STAB1: variants seen among roughly 807,000 people sequenced by gnomAD.
STAB1 encodes stabilin 1.
A neutral mutation model predicts 332.4 loss-of-function variants in STAB1; 250 were observed. The observed-to-expected ratio is 0.75, with a 90% CI of 0.68 to 0.84. The LOEUF is 0.84. STAB1 is among the 40% of genes least tolerant of loss of function. The probability of loss-of-function intolerance (pLI) is 0.00; values close to 1 mark genes in which losing one functional copy is unlikely to be tolerated. For synonymous variants in STAB1, 1,475 were observed against 1,390.4 expected, an observed-to-expected ratio of 1.06 and a Z score of -1.35; for missense variants, 3,249 against 3,489.7, an observed-to-expected ratio of 0.93 and a Z score of 1.74.
In STAB1 at chr3:52,523,683, T is replaced by C. The variant is rs999064876; in HGVS notation, c.7322T>C (p.Ile2441Thr). The C allele has an allele frequency of 6.2e-7, 1 of 1,612,426 alleles. No homozygotes were observed. Among genetic ancestry groups the C allele is most frequent in the South Asian group, 1.1e-5 (1 of 91,082 alleles). The change falls in exon 66 of 69, where the codon ATT becomes ACT. Residue 2441 changes from isoleucine to threonine, a missense_variant. Transcript: ENST00000321725. ...APGTVVVSRI[I>T]VWDIMAFNGI... ...GGGACAGTTGTGGTTAGCCGTATCA[T>C]TGTGTGGGACATCATGGCCTTCAAT...
Position 52,507,946 on chromosome 3 carries a change from G to C in STAB1, c.2068G>C (p.Glu690Gln). The change falls in exon 20 of 69, where the codon GAG becomes CAG. Residue 690 changes from glutamate (E) to glutamine (Q), a missense_variant. Glu to Gln is a conservative substitution (Grantham distance 29, BLOSUM62 2). Coordinates refer to ENST00000321725, the MANE Select transcript of STAB1 (RefSeq NM_015136.3). ...NSVKLDIFPK[E>Q]CVYIHDPTGL... is the part of the protein sequence containing the mutation. ...CCCACCCTAGGACATCTTCCCCAAG[G>C]AGTGTGTCTACATCCATGACCCAAC... The C allele has an allele frequency of 6.2e-7, 1 of 1,613,622 alleles. No individual in the cohort carries two copies. Among genetic ancestry groups the C allele is most frequent in the South Asian group, 1.1e-5 (1 of 91,064 alleles).
chr3:52,497,294 G>C (rs545179280), intron 1 of STAB1, among the ~76,000 whole-genome samples: 129 of 149,962 alleles, frequency 8.6e-4, no homozygotes, highest in African/African-American at 3.0e-3. Flanking sequence ...CCAACCCCAT[G>C]TTCAGACTTT....
At chr3:52,516,625 G>A (rs767418066) in intron 40 of STAB1, 38 bp downstream of exon 40, 68 of 1,612,344 alleles carry the variant, frequency 4.2e-5, no homozygotes, top group East Asian at 6.7e-5. Context: ...GGTGAGTGGC[G>A]GGGAGCCTGG....
At position 52,521,306 on chromosome 3, in the gene STAB1, G is replaced by A. The variant is rs555301800; in HGVS notation, c.5909-55G>A. On this transcript the variant is annotated intron_variant, in intron 55 of 68. Transcript: ENST00000321725. ...AGGGCTAGGCTGGAGGTACGTATAT[G>A]GGGGTCCTGGTGAGAGCCCCTGGCC... The A allele has an allele frequency of 2.0e-4, 321 of 1,608,894 alleles. 2 individuals are homozygous for A. In the South Asian group the frequency reaches 3.5e-3, roughly 17 times the overall value.
chr3:52,517,349 G>A lies in STAB1; in HGVS notation c.4519G>A (p.Gly1507Ser), dbSNP rs748166399. The A allele has an allele frequency of 3.1e-6, 5 of 1,602,714 alleles. No homozygotes were observed. Among genetic ancestry groups the A allele is most frequent in the Non-Finnish European group, 3.4e-6 (4 of 1,175,412 alleles). The change falls in exon 43 of 69, where the codon GGC becomes AGC. Residue 1507 changes from glycine to serine, a missense_variant. Coordinates refer to ENST00000321725, the MANE Select transcript of STAB1 (RefSeq NM_015136.3). ...TAACAGCTGTCTCATCCACCACGGG[G>A]GCTGCCACATTCACGCCGAGTGCAT... ...EINSCLIHHGGCHIHAECIPT... is the reference protein window; with the variant it reads ...EINSCLIHHGSCHIHAECIPT...
In STAB1 at chr3:52,514,799, C is replaced by G; in HGVS notation, c.3777C>G (p.Arg1259=). 1 of 1,612,914 alleles carries G rather than the reference C, an allele frequency of 6.2e-7. No individual in the cohort carries two copies. Among genetic ancestry groups the G allele is most frequent in the South Asian group, 1.1e-5 (1 of 91,076 alleles). The change falls in exon 35 of 69, where the codon CGC becomes CGG. Residue 1259 remains arginine (R), a synonymous_variant. Coordinates refer to ENST00000321725, the MANE Select transcript of STAB1 (RefSeq NM_015136.3). ...GGGTCCTGACGGTGGGCTCAAGTCG[C>G]TGCCTGCATAGCCACGCTGAGGCCC... is the stretch of plus-strand genomic sequence containing the variant. The part of the protein sequence containing the change: ...LSGVLTVGSS[R]CLHSHAEALR...
At position 52,511,688 on chromosome 3, in the gene STAB1, C is replaced by A; in HGVS notation, c.2826C>A (p.Gly942=). 6.2e-7 allele frequency: 1 copy of A among 1,610,910 alleles called. No homozygotes were observed. The highest frequency in any genetic ancestry group is 8.5e-7 in the Non-Finnish European group (1 of 1,178,756). The change falls in exon 26 of 69, where the codon GGC becomes GGA. Residue 942 remains glycine (G), a synonymous_variant. Coordinates refer to ENST00000321725, the MANE Select transcript of STAB1 (RefSeq NM_015136.3). ...CTCKLGFAGD[G]YQCSPIDPCR... ...GCAAGCTGGGCTTTGCCGGGGATGG[C>A]TACCAGTGCAGCCCCATCGACCCCT...
In STAB1 at chr3:52,502,001, C is replaced by A. The variant is rs1708485740; in HGVS notation, c.332-5C>A. On this transcript the variant is annotated splice_region_variant and splice_polypyrimidine_tract_variant and intron_variant, in intron 3 of 68. Transcript: ENST00000321725. Reference sequence around the variant, plus strand: ...CACAGAGCTGAGTACTGTGGGGGTCCACAGAATGCCCTGGGGGCGCTGAGA... The same window carrying A: ...CACAGAGCTGAGTACTGTGGGGGTCAACAGAATGCCCTGGGGGCGCTGAGA... 1 of 1,611,844 alleles carries A rather than the reference C, an allele frequency of 6.2e-7. No homozygotes were observed. The highest frequency in any genetic ancestry group is 1.3e-5 in the African/African-American group (1 of 74,994).
intron 45 of STAB1, 147 bp downstream of exon 45, chr3:52,518,150 C>G: frequency 6.7e-7 from 1 of 1,485,430 alleles, no homozygotes; most frequent in Non-Finnish European, 9.0e-7. Context: ...TGGGCCTGAC[C>G]CCAGCTATGA....
intron 25 of STAB1, among the ~76,000 whole-genome samples, chr3:52,510,845 G>A (rs1008080248): frequency 2.0e-5 from 3 of 152,242 alleles, no homozygotes; most frequent in Non-Finnish European, 2.9e-5. Flanking sequence ...GCTTTGCAGT[G>A]TCTGAATCTA....
At chr3:52,516,879 A>T in intron 41 of STAB1, 105 bp from the exon 42 acceptor site, 2 of 1,579,322 alleles carry the variant, frequency 1.3e-6, no homozygotes, top group Non-Finnish European at 1.7e-6. Context: ...CCATCTCAGG[A>T]CTCACCCTTC....
In STAB1 at chr3:52,521,872, T is replaced by G. The variant is rs750123300; in HGVS notation, c.6192T>G (p.Cys2064Trp). ...TGCAGCCTGTGTGTACCCCACCCTG[T>G]GCACCCGAGGCTGTGTGCCGTGCAG... ...LELQPVCTPP[C>W]APEAVCRAGN... Residue 2064 changes from cysteine (C) to tryptophan (W), a missense_variant, in exon 58 of 69, where the codon TGT becomes TGG. Physicochemically the swap from Cys to Trp is radical, Grantham distance 215. Coordinates refer to ENST00000321725, the MANE Select transcript of STAB1 (RefSeq NM_015136.3). 7 of 1,604,508 alleles carry G rather than the reference T, an allele frequency of 4.4e-6. No individual in the cohort carries two copies. Among genetic ancestry groups the G allele is most frequent in the Non-Finnish European group, 6.0e-6 (7 of 1,174,598 alleles).
rs369886703 is a variant in STAB1, at chr3:52,508,317, G to A, written c.2193G>A (p.Gln731=). ...CKGFFGPDCT[Q]CPGGFSNPCY... ...GTTTTTTCGGGCCTGACTGCACGCA[G>A]TGTCCTGGGGGCTTCTCCAACCCCT... Residue 731 remains glutamine, a synonymous_variant, in exon 21 of 69, where the codon CAG becomes CAA. Coordinates refer to ENST00000321725, the MANE Select transcript of STAB1 (RefSeq NM_015136.3). 1.9e-6 allele frequency: 3 copies of A among 1,613,818 alleles called. No homozygotes were observed. The highest frequency in any genetic ancestry group is 2.5e-6 in the Non-Finnish European group (3 of 1,179,946).
In STAB1 at chr3:52,500,250, C is replaced by T. The variant is rs186161039; in HGVS notation, c.79-916C>T. 2.7e-3 allele frequency among the ~76,000 whole-genome samples: 415 copies of T among 152,294 alleles called. 3 individuals are homozygous for T. Among genetic ancestry groups the T allele is most frequent in the African/African-American group, 9.7e-3 (405 of 41,554 alleles). On this transcript the variant is annotated intron_variant, in intron 1 of 68. Transcript: ENST00000321725. ...ACTCCCGGCCTTTGCTTCTGCTGTCCCCTAGGCCAGGAGCACTGTCCTTGA... is the reference window on the plus strand; with the variant it reads ...ACTCCCGGCCTTTGCTTCTGCTGTCTCCTAGGCCAGGAGCACTGTCCTTGA...
At position 52,513,423 on chromosome 3, in the gene STAB1, G is replaced by A. The variant is rs145846452; in HGVS notation, c.3270+182G>A. On this transcript the variant is annotated intron_variant, in intron 30 of 68. Transcript: ENST00000321725. The stretch of plus-strand genomic sequence containing the variant: ...TTGCTGATGGACACTGAGTCGCTGG[G>A]CCAGGAGTGACTGCCTGCAGGGGCT... 6.8e-4 allele frequency among the ~76,000 whole-genome samples: 103 copies of A among 152,308 alleles called. 2 individuals are homozygous for A. In the East Asian group the frequency reaches 0.019, roughly 29 times the overall value.
intron 65 of STAB1, 36 bp downstream of exon 65, chr3:52,523,612 GCC>G: frequency 6.2e-7 from 1 of 1,612,680 alleles, no homozygotes; most frequent in Non-Finnish European, 8.5e-7. Flanking sequence ...GTTGGCCCTG[GCC>G]CTCGCTCACA....
At chr3:52,507,008 C>G (rs1250362900) in intron 18 of STAB1, among the ~76,000 whole-genome samples, 158 bp downstream of exon 18, 1 of 152,250 alleles carries the variant, frequency 6.6e-6, no homozygotes, top group Non-Finnish European at 1.5e-5. Context: ...GTGCTTCCCC[C>G]ACGCTCACCC....
At position 52,508,040 on chromosome 3, in the gene STAB1, T is replaced by A. The variant is rs1371324105; in HGVS notation, c.2148+14T>A. 6.2e-7 allele frequency: 1 copy of A among 1,608,556 alleles called. No homozygotes were observed. Among genetic ancestry groups the A allele is most frequent in the Non-Finnish European group, 8.5e-7 (1 of 1,176,434 alleles). On this transcript the variant is annotated intron_variant, in intron 20 of 68. Transcript: ENST00000321725. ...CAAACCATCATGGTAAGCGTGGGCA[T>A]GGGTGCCCACTCCCAGGTCACCTGG...
chr3:52,519,833 T>A, intron 50 of STAB1, 111 bp from the exon 51 acceptor site: 1 of 1,341,962 alleles, frequency 7.5e-7, no homozygotes, highest in East Asian at 2.5e-5. Flanking sequence ...TGGTCACAGA[T>A]GAGTGTGGGT....
Sources: gnomAD v4.1 joint callset for allele counts (sites outside exome capture counted in the v4.1 genomes callset) on GRCh38, gnomAD v4.1.1 for gene constraint, MANE v1.5 for transcripts, NCBI Gene and HGNC (gene_info 2026-07-23, HGNC 2026-07-21) for gene names.